ITGA9: variants seen among roughly 807,000 people sequenced by gnomAD.
The protein encoded by ITGA9 is integrin subunit alpha 9.
In ITGA9, 56 loss-of-function variants were observed where a neutral mutation model predicts 127.8. The ratio of observed to expected loss-of-function variants is 0.44; its 90% confidence interval spans 0.35 to 0.55. ITGA9 has a LOEUF of 0.55. ITGA9 is among the 20% of genes least tolerant of loss of function. ITGA9 has a pLI of 0.00. For synonymous variants in ITGA9, 508 were observed against 514.5 expected, an observed-to-expected ratio of 0.99 and a Z score of 0.17; for missense variants, 1,196 against 1,347.1, an observed-to-expected ratio of 0.89 and a Z score of 1.76.
intron 18 of ITGA9, among the ~76,000 whole-genome samples, chr3:37,717,028 C>G (rs1701142976): frequency 6.6e-6 from 1 of 152,226 alleles, no homozygotes; most frequent in African/African-American, 2.4e-5. Flanking sequence ...TCAGAACACA[C>G]TAAGAGACAG....
chr3:37,466,678 G>T (rs1399330777), intron 1 of ITGA9, among the ~76,000 whole-genome samples: 1 of 152,102 alleles, frequency 6.6e-6, no homozygotes, highest in African/African-American at 2.4e-5. Context: ...TGGAGAGCTT[G>T]TTAAAATGCA....
At chr3:37,644,637 A>G (rs1451196048) in intron 16 of ITGA9, among the ~76,000 whole-genome samples, 1 of 152,222 alleles carries the variant, frequency 6.6e-6, no homozygotes, top group African/African-American at 2.4e-5. Context: ...CAAACTGCAG[A>G]GCCATGGAGT....
intron 15 of ITGA9, among the ~76,000 whole-genome samples, chr3:37,582,755 T>G (rs1383951306): frequency 6.6e-6 from 1 of 152,180 alleles, no homozygotes; most frequent in Non-Finnish European, 1.5e-5. Context: ...ATTGGCTGAT[T>G]TTTGGACCCT....
intron 23 of ITGA9, among the ~76,000 whole-genome samples, chr3:37,759,476 G>C (rs1696697010): frequency 6.6e-6 from 1 of 152,092 alleles, no homozygotes; most frequent in Non-Finnish European, 1.5e-5. Context: ...AATAAAGTAT[G>C]ACAGCAATGA....
intron 18 of ITGA9, among the ~76,000 whole-genome samples, chr3:37,690,739 G>T (rs1700823766): frequency 6.6e-6 from 1 of 152,202 alleles, no homozygotes; most frequent in African/African-American, 2.4e-5. Flanking sequence ...CTTACACACA[G>T]TGTGAGATGC....
At chr3:37,572,377 T>TG (rs1553647764) in intron 15 of ITGA9, among the ~76,000 whole-genome samples, 2 of 152,112 alleles carry the variant, frequency 1.3e-5, no homozygotes, top group African/African-American at 4.8e-5. Flanking sequence ...GGCCTTACTG[T>TG]GGGGTGGTTA....
intron 15 of ITGA9, among the ~76,000 whole-genome samples, chr3:37,569,103 A>C (rs1699576728): frequency 6.6e-6 from 1 of 152,218 alleles, no homozygotes; most frequent in African/African-American, 2.4e-5. Context: ...ATTACACAGA[A>C]AAAGAGGTTT....
At chr3:37,559,828 G>T (rs775774097) in intron 15 of ITGA9, among the ~76,000 whole-genome samples, 1 of 152,188 alleles carries the variant, frequency 6.6e-6, no homozygotes, top group African/African-American at 2.4e-5. Context: ...GTGAAGGGGG[G>T]CCCCAAGGCA....
intron 16 of ITGA9, among the ~76,000 whole-genome samples, chr3:37,652,015 G>A (rs1700433581): frequency 6.6e-6 from 1 of 151,996 alleles, no homozygotes; most frequent in African/African-American, 2.4e-5. Flanking sequence ...AAGTTGGACT[G>A]TCTTGCCTGT....
chr3:37,783,394 T>C (rs968936057), intron 25 of ITGA9, among the ~76,000 whole-genome samples: 4 of 152,216 alleles, frequency 2.6e-5, no homozygotes, highest in African/African-American at 9.6e-5. Context: ...CAGATGGGAG[T>C]ACAGTGGCTC....
At chr3:37,647,063 G>C (rs759379839) in intron 16 of ITGA9, among the ~76,000 whole-genome samples, 10 of 152,088 alleles carry the variant, frequency 6.6e-5, no homozygotes. Flanking sequence ...CAGGCACTGA[G>C]TTTCAACCTC....
At chr3:37,719,229 GA>G (rs764416832) in intron 18 of ITGA9, among the ~76,000 whole-genome samples, 1 of 152,138 alleles carries the variant, frequency 6.6e-6, no homozygotes, top group Non-Finnish European at 1.5e-5. Context: ...GATCATCCTA[GA>G]AGTGGATACC....
At chr3:37,677,721 T>C (rs767775140) in intron 17 of ITGA9, among the ~76,000 whole-genome samples, 2 of 152,220 alleles carry the variant, frequency 1.3e-5, no homozygotes, top group Non-Finnish European at 2.9e-5. Flanking sequence ...CATTTAACTG[T>C]CTGCCTTTAT....
intron 16 of ITGA9, among the ~76,000 whole-genome samples, chr3:37,645,729 T>C (rs1700370819): frequency 6.6e-6 from 1 of 152,214 alleles, no homozygotes; most frequent in South Asian, 2.1e-4. Context: ...AATAATTGTA[T>C]TTTTTAAAAG....
At chr3:37,676,983 G>A (rs1700688276) in intron 17 of ITGA9, among the ~76,000 whole-genome samples, 1 of 152,190 alleles carries the variant, frequency 6.6e-6, no homozygotes, top group Non-Finnish European at 1.5e-5. Flanking sequence ...CATTCTTTCA[G>A]ATGTGGCTCA....
At chr3:37,611,437 T>C (rs1700015234) in intron 15 of ITGA9, among the ~76,000 whole-genome samples, 1 of 152,108 alleles carries the variant, frequency 6.6e-6, no homozygotes, top group Non-Finnish European at 1.5e-5. Flanking sequence ...ATGGTGGCCA[T>C]TAGTGACCTT....
intron 11 of ITGA9, among the ~76,000 whole-genome samples, chr3:37,520,850 A>G (rs1394134239): frequency 6.6e-6 from 1 of 152,186 alleles, no homozygotes; most frequent in Non-Finnish European, 1.5e-5. Flanking sequence ...TTCTCCACGC[A>G]TCCTCCGGGA....
At chr3:37,792,769 G>C (rs1239434906) in intron 26 of ITGA9, among the ~76,000 whole-genome samples, 1 of 152,210 alleles carries the variant, frequency 6.6e-6, no homozygotes, top group Admixed American at 6.5e-5. Flanking sequence ...TGGAAATAAG[G>C]AGCTGGTTAG....
At chr3:37,483,228 T>C (rs1212891903) in intron 4 of ITGA9, among the ~76,000 whole-genome samples, 2 of 152,090 alleles carry the variant, frequency 1.3e-5, no homozygotes, top group Non-Finnish European at 2.9e-5. Flanking sequence ...CCTCTATATA[T>C]ACCACAAGCA....
Sources: gnomAD v4.1 joint callset for allele counts (sites outside exome capture counted in the v4.1 genomes callset) on GRCh38, gnomAD v4.1.1 for gene constraint, MANE v1.5 for transcripts, NCBI Gene and HGNC (gene_info 2026-07-23, HGNC 2026-07-21) for gene names.